Variants in MAPKAP1 observed in about 807,000 individuals in gnomAD.
MAPKAP1 encodes MAPK associated protein 1.
In MAPKAP1, 20 loss-of-function variants were observed where a neutral mutation model predicts 65.7. The observed-to-expected ratio is 0.30, with a 90% CI of 0.21 to 0.44. MAPKAP1 has a LOEUF of 0.44. Ranked by LOEUF, MAPKAP1 falls within the 20% of genes least tolerant of loss-of-function variation. MAPKAP1 has a pLI of 1.00. For missense variants in MAPKAP1, 423 were observed against 648.0 expected (o/e 0.65, Z 3.77); for synonymous variants, 222 against 244.3 (o/e 0.91, Z 0.85).
At chr9:125,592,123 T>C (rs1455621285) in intron 4 of MAPKAP1, among the ~76,000 whole-genome samples, 2 of 152,192 alleles carry the variant, frequency 1.3e-5, no homozygotes, top group Non-Finnish European at 2.9e-5. Flanking sequence ...TCCACTGACA[T>C]ACAATGCAGA....
intron 4 of MAPKAP1, among the ~76,000 whole-genome samples, chr9:125,638,859 C>G (rs1833497097): frequency 6.6e-6 from 1 of 152,218 alleles, no homozygotes; most frequent in Admixed American, 6.5e-5. Context: ...GGAACGATCA[C>G]CACCTTTGGG....
chr9:125,541,921 T>C (rs1251153151), intron 7 of MAPKAP1, among the ~76,000 whole-genome samples: 2 of 152,230 alleles, frequency 1.3e-5, no homozygotes, highest in Non-Finnish European at 2.9e-5. Flanking sequence ...CGCAGTCAGC[T>C]GGCAAAAGCC....
Position 125,610,796 on chromosome 9 carries a change from T to C in MAPKAP1, c.499-25069A>G, listed in dbSNP as rs143897724. 2.6e-3 allele frequency among the ~76,000 whole-genome samples: 392 copies of C among 152,302 alleles called. 1 individual carries two copies. Among genetic ancestry groups the C allele is most frequent in the African/African-American group, 8.5e-3 (354 of 41,558 alleles). ...AGAATTTAAAGTGGTCCTGAGGTGG[T>C]AGTGCCCCCAGGTTCTAGGTAGAAG... is the stretch of plus-strand genomic sequence containing the variant. On this transcript the variant is annotated intron_variant, in intron 4 of 11. Transcript: ENST00000265960.
At position 125,559,363 on chromosome 9, in the gene MAPKAP1, C is replaced by T. The variant is rs577053334; in HGVS notation, c.848+270G>A. 3.1e-5 allele frequency: 8 copies of T among 261,234 alleles called. No individual in the cohort carries two copies. The South Asian group carries it at 1.1e-3, about 36-fold the overall frequency. The allele number at this position is 261,234 out of a possible 1,614,324, so 16.2% of individuals were successfully genotyped here. A position where few individuals can be genotyped will look rare whatever the true frequency, so the allele number is the denominator to read the frequency against. On this transcript the variant is annotated intron_variant, in intron 6 of 11. Transcript: ENST00000265960. ...TTTGCTTCACAGGCTCCCAGTGCAC[C>T]AGTGTTTCCAGAGGCCTGGCTCTGG...
At chr9:125,597,199 A>G (rs1832158845) in intron 4 of MAPKAP1, among the ~76,000 whole-genome samples, 1 of 132,882 alleles carries the variant, frequency 7.5e-6, no homozygotes, top group Non-Finnish European at 1.5e-5. Flanking sequence ...CAGGAGGTGG[A>G]GCTTGCAATG....
intron 4 of MAPKAP1, among the ~76,000 whole-genome samples, chr9:125,622,469 A>G (rs916782552): frequency 2.0e-5 from 3 of 152,108 alleles, no homozygotes; most frequent in Non-Finnish European, 4.4e-5. Flanking sequence ...TTCCTGAGAC[A>G]GAGTCTCACT....
chr9:125,662,229 A>G (rs10119068), intron 3 of MAPKAP1, among the ~76,000 whole-genome samples: 50,103 of 151,992 alleles, frequency 0.33, 9,278 homozygotes, highest in Middle Eastern at 0.44. Flanking sequence ...AAAAAATGCA[A>G]AAATTAGCCA....
At chr9:125,621,117 C>T (rs887157472) in intron 4 of MAPKAP1, among the ~76,000 whole-genome samples, 1 of 151,854 alleles carries the variant, frequency 6.6e-6, no homozygotes, top group African/African-American at 2.4e-5. Context: ...ACCAAAAATG[C>T]AAAAATTAGC....
In MAPKAP1 at chr9:125,657,545, A is replaced by G. The variant is rs1044303171; in HGVS notation, c.498+106T>C. 3 of 1,024,750 alleles carry G rather than the reference A, an allele frequency of 2.9e-6. No individual in the cohort carries two copies. The South Asian group carries it at 5.2e-5, about 18-fold the overall frequency. 63.5% of individuals were successfully genotyped at this position (1,024,750 alleles called of 1,614,324 possible). ...AGTGACATTCTATAACTGTCAACTGATATTCTACAAAGCATTTCTGAAACC... is the reference window on the plus strand; with the variant it reads ...AGTGACATTCTATAACTGTCAACTGGTATTCTACAAAGCATTTCTGAAACC... On this transcript the variant is annotated intron_variant, in intron 4 of 11. Coordinates refer to ENST00000265960, the MANE Select transcript of MAPKAP1 (RefSeq NM_001006617.3).
At chr9:125,450,058 T>C (rs1463452119) in intron 10 of MAPKAP1, among the ~76,000 whole-genome samples, 1 of 151,916 alleles carries the variant, frequency 6.6e-6, no homozygotes, top group Non-Finnish European at 1.5e-5. Flanking sequence ...GAGTAGCTGG[T>C]ATTACAGGTA....
At chr9:125,500,532 G>A (rs954432541) in intron 8 of MAPKAP1, among the ~76,000 whole-genome samples, 1 of 152,188 alleles carries the variant, frequency 6.6e-6, no homozygotes, top group Non-Finnish European at 1.5e-5. Flanking sequence ...ACAAATGTGT[G>A]TGTATAGGTA....
chr9:125,699,721 C>T (rs982527717), intron 1 of MAPKAP1, among the ~76,000 whole-genome samples: 1 of 151,814 alleles, frequency 6.6e-6, no homozygotes, highest in Non-Finnish European at 1.5e-5. Flanking sequence ...CAGCCTCAGC[C>T]CCCTGGGCTC....
chr9:125,668,686 G>A (rs549353453), intron 3 of MAPKAP1, among the ~76,000 whole-genome samples: 47 of 152,328 alleles, frequency 3.1e-4, no homozygotes, highest in African/African-American at 1.1e-3. Flanking sequence ...AGCTTTGAAA[G>A]TATATAATAT....
chr9:125,698,457 C>A (rs1465869548), intron 1 of MAPKAP1, among the ~76,000 whole-genome samples: 1 of 150,706 alleles, frequency 6.6e-6, no homozygotes, highest in Non-Finnish European at 1.5e-5. Context: ...CCTGCCTCAG[C>A]CTCCCGAGTA....
chr9:125,645,759 GTACCAAGT>G (rs1833708548), intron 4 of MAPKAP1, among the ~76,000 whole-genome samples: 3 of 133,710 alleles, frequency 2.2e-5, no homozygotes, highest in Middle Eastern at 8.1e-3. Context: ...AAAAAAAAAA[GTACCAAGT>G]TTCCTTGACA....
chr9:125,557,055 T>C (rs1436928754), intron 6 of MAPKAP1, among the ~76,000 whole-genome samples: 1 of 152,208 alleles, frequency 6.6e-6, no homozygotes, highest in Non-Finnish European at 1.5e-5. Flanking sequence ...TATGTGTGTG[T>C]CTGGGAGTGG....
At chr9:125,487,986 T>C (rs562416696) in intron 8 of MAPKAP1, among the ~76,000 whole-genome samples, 22 of 152,326 alleles carry the variant, frequency 1.4e-4, no homozygotes, top group Middle Eastern at 3.4e-3. Context: ...GATGAGATGA[T>C]AGGATTTTAG....
chr9:125,564,013 CA>C (rs1177530966), intron 5 of MAPKAP1, among the ~76,000 whole-genome samples: 2 of 152,294 alleles, frequency 1.3e-5, no homozygotes, highest in East Asian at 3.9e-4. Flanking sequence ...GCCCAACCAG[CA>C]AAGGGTATTA....
At chr9:125,576,574 A>G (rs1831407639) in intron 5 of MAPKAP1, among the ~76,000 whole-genome samples, 1 of 152,088 alleles carries the variant, frequency 6.6e-6, no homozygotes, top group Non-Finnish European at 1.5e-5. Context: ...GCCCAGCCGA[A>G]GCTGGACTGT....
Sources: gnomAD v4.1 joint callset for allele counts (sites outside exome capture counted in the v4.1 genomes callset) on GRCh38, gnomAD v4.1.1 for gene constraint, MANE v1.5 for transcripts, NCBI Gene and HGNC (gene_info 2026-07-23, HGNC 2026-07-21) for gene names.